CAP2: variants seen among roughly 807,000 people sequenced by gnomAD.
CAP2 encodes cyclase associated actin cytoskeleton regulatory protein 2.
A neutral mutation model predicts 57.7 loss-of-function variants in CAP2; 24 were observed. The observed-to-expected ratio is 0.42, with a 90% CI of 0.30 to 0.58. CAP2 has a LOEUF of 0.58. Ranked by LOEUF, CAP2 falls within the 20% of genes least tolerant of loss-of-function variation. The probability of loss-of-function intolerance (pLI) is 0.22; values close to 1 mark genes in which losing one functional copy is unlikely to be tolerated. For missense variants in CAP2, 501 were observed against 590.3 expected, an observed-to-expected ratio of 0.85 and a Z score of 1.57; for synonymous variants, 194 against 207.2, an observed-to-expected ratio of 0.94 and a Z score of 0.55.
intron 4 of CAP2, among the ~76,000 whole-genome samples, chr6:17,468,123 A>G (rs998099960): frequency 6.6e-6 from 1 of 151,938 alleles, no homozygotes; most frequent in African/African-American, 2.4e-5. Context: ...AGTTCTATCC[A>G]TGTTGAATTT....
At chr6:17,458,276 C>T (rs556993559) in intron 3 of CAP2, among the ~76,000 whole-genome samples, 1 of 152,100 alleles carries the variant, frequency 6.6e-6, no homozygotes, top group East Asian at 1.9e-4. Flanking sequence ...AATCAGGCTA[C>T]CAGGATAAAG....
At chr6:17,436,557 A>G (rs1561782891) in intron 3 of CAP2, among the ~76,000 whole-genome samples, 1 of 152,146 alleles carries the variant, frequency 6.6e-6, no homozygotes. Flanking sequence ...TGCTACCCCA[A>G]GGTTTGGAGA....
At chr6:17,522,738 T>C (rs1162791664) in intron 7 of CAP2, among the ~76,000 whole-genome samples, 1 of 152,222 alleles carries the variant, frequency 6.6e-6, no homozygotes, top group Non-Finnish European at 1.5e-5. Context: ...TTATGCATTA[T>C]GCTAAGAAGG....
chr6:17,527,224 G>GTTC (rs1486531001), intron 7 of CAP2, among the ~76,000 whole-genome samples: 1 of 151,984 alleles, frequency 6.6e-6, no homozygotes, highest in Non-Finnish European at 1.5e-5. Flanking sequence ...TTTAGTGGTA[G>GTTC]TTCAGACTTA....
At chr6:17,505,073 C>A (rs533921846) in intron 4 of CAP2, among the ~76,000 whole-genome samples, 187 of 152,244 alleles carry the variant, frequency 1.2e-3, no homozygotes, top group African/African-American at 4.2e-3. Flanking sequence ...ATAATTACTT[C>A]TATTTATTGT....
intron 4 of CAP2, among the ~76,000 whole-genome samples, chr6:17,506,744 C>T (rs1401074002): frequency 1.3e-5 from 2 of 152,224 alleles, no homozygotes; most frequent in East Asian, 3.9e-4. Context: ...AAAGCATTTT[C>T]CACAGGAATA....
intron 3 of CAP2, among the ~76,000 whole-genome samples, chr6:17,439,255 GTT>G (rs36031913): frequency 6.8e-6 from 1 of 146,618 alleles, no homozygotes; most frequent in Non-Finnish European, 1.5e-5. Context: ...GGATCCAACT[GTT>G]TTTTTTTTTT....
At chr6:17,531,947 A>G (rs1403798270) in intron 7 of CAP2, among the ~76,000 whole-genome samples, 1 of 152,074 alleles carries the variant, frequency 6.6e-6, no homozygotes, top group African/African-American at 2.4e-5. Context: ...GAGCTTCTTA[A>G]AAAACAGAAC....
At chr6:17,516,603 A>G (rs1331180785) in intron 7 of CAP2, among the ~76,000 whole-genome samples, 2 of 152,232 alleles carry the variant, frequency 1.3e-5, no homozygotes, top group Non-Finnish European at 2.9e-5. Context: ...CACCAAAAAC[A>G]TATGGAAATC....
intron 4 of CAP2, among the ~76,000 whole-genome samples, chr6:17,464,850 C>G (rs977906480): frequency 6.6e-6 from 1 of 152,190 alleles, no homozygotes; most frequent in Non-Finnish European, 1.5e-5. Flanking sequence ...TAGATTCAGC[C>G]TTAGCCTGCC....
chr6:17,523,060 C>T (rs1403430232), intron 7 of CAP2, among the ~76,000 whole-genome samples: 1 of 152,172 alleles, frequency 6.6e-6, no homozygotes, highest in African/African-American at 2.4e-5. Flanking sequence ...CAGAAAGCAA[C>T]ACACTGTGAA....
At chr6:17,553,220 G>C (rs1030586409) in intron 12 of CAP2, among the ~76,000 whole-genome samples, 3 of 152,200 alleles carry the variant, frequency 2.0e-5, no homozygotes, top group African/African-American at 7.2e-5. Context: ...ATCTATGGGC[G>C]TGGGACCCAG....
At chr6:17,397,460 C>T (rs936619583) in intron 1 of CAP2, among the ~76,000 whole-genome samples, 4 of 151,776 alleles carry the variant, frequency 2.6e-5, no homozygotes, top group Non-Finnish European at 4.4e-5. Flanking sequence ...TTTGGGAGGC[C>T]GAGGCGGGCG....
At chr6:17,409,304 G>T (rs1387016600) in intron 1 of CAP2, among the ~76,000 whole-genome samples, 1 of 151,966 alleles carries the variant, frequency 6.6e-6, no homozygotes. Context: ...CCCAGGAAGC[G>T]GATGTTGCGG....
intron 3 of CAP2, among the ~76,000 whole-genome samples, chr6:17,457,104 G>A (rs1760591464): frequency 6.6e-6 from 1 of 152,124 alleles, no homozygotes; most frequent in African/African-American, 2.4e-5. Flanking sequence ...TGAGAACCCC[G>A]GTTGCTGGTG....
At chr6:17,533,404 T>C (rs1158589974) in intron 7 of CAP2, among the ~76,000 whole-genome samples, 3 of 152,086 alleles carry the variant, frequency 2.0e-5, no homozygotes, top group Non-Finnish European at 4.4e-5. Flanking sequence ...TTAAAAAGTC[T>C]TTGTGCCAAT....
intron 4 of CAP2, among the ~76,000 whole-genome samples, chr6:17,467,562 C>T (rs562092196): frequency 1.3e-5 from 2 of 152,260 alleles, no homozygotes; most frequent in East Asian, 3.9e-4. Flanking sequence ...CTTGCTCTGT[C>T]ACCCAGGCTG....
In CAP2 at chr6:17,551,478, G is replaced by A. The variant is rs778502841; in HGVS notation, c.1224G>A (p.Val408=). 3 of 1,606,388 alleles carry A rather than the reference G, an allele frequency of 1.9e-6. No homozygotes were observed. In the South Asian group the frequency reaches 3.3e-5, roughly 18 times the overall value. ...TCCTATTTCAGGTAATGGGGAGAGT[G>A]CCAACAATTTCCATTAATAAGACAG... ...QDIQIQVMGR[V]PTISINKTEG... Residue 408 remains valine, a synonymous_variant, in exon 12 of 13, where the codon GTG becomes GTA. Transcript: ENST00000229922.
At chr6:17,522,570 C>T (rs1036723314) in intron 7 of CAP2, among the ~76,000 whole-genome samples, 1 of 152,106 alleles carries the variant, frequency 6.6e-6, no homozygotes. Context: ...GTTCCCTAGG[C>T]AAACAGTAAA....
Sources: gnomAD v4.1 joint callset for allele counts (sites outside exome capture counted in the v4.1 genomes callset) on GRCh38, gnomAD v4.1.1 for gene constraint, MANE v1.5 for transcripts, NCBI Gene and HGNC (gene_info 2026-07-23, HGNC 2026-07-21) for gene names.